Variants in GPC6 observed in about 807,000 individuals in gnomAD.
GPC6 encodes the protein glypican 6, also known as glypican-6.
Under a neutral mutation model 55.2 loss-of-function variants are expected in GPC6, and 14 were observed. The observed-to-expected ratio is 0.25, with a 90% CI of 0.17 to 0.40. The LOEUF (loss-of-function observed/expected upper bound fraction) is 0.40. Ranked by LOEUF, GPC6 falls within the 10% of genes least tolerant of loss-of-function variation. The pLI, the probability that GPC6 is intolerant of heterozygous loss-of-function variation, is 1.00. For missense variants in GPC6, 641 were observed against 708.5 expected (o/e 0.90, Z 1.08); for synonymous variants, 278 against 259.6 (o/e 1.07, Z -0.68).
intron 6 of GPC6, among the ~76,000 whole-genome samples, chr13:94,335,850 C>T (rs1877665182): frequency 1.3e-5 from 2 of 151,814 alleles, no homozygotes; most frequent in Non-Finnish European, 1.5e-5. Context: ...ATTCCCTCAT[C>T]GTTCTCTTCC....
At chr13:93,439,587 G>A (rs529091835) in intron 1 of GPC6, among the ~76,000 whole-genome samples, 36 of 151,744 alleles carry the variant, frequency 2.4e-4, no homozygotes, top group East Asian at 5.8e-4. Context: ...ACTTGAACCC[G>A]GGAGGTGGAC....
chr13:94,322,671 T>C (rs1566673784), intron 6 of GPC6, among the ~76,000 whole-genome samples: 1 of 152,206 alleles, frequency 6.6e-6, no homozygotes, highest in East Asian at 1.9e-4. Context: ...AAAACAAAAA[T>C]AATATGTGCA....
intron 4 of GPC6, among the ~76,000 whole-genome samples, chr13:94,227,333 C>T (rs943525299): frequency 6.6e-6 from 1 of 151,990 alleles, no homozygotes; most frequent in Non-Finnish European, 1.5e-5. Flanking sequence ...CCTTACTTCA[C>T]GTGAAGGAAA....
chr13:93,771,429 G>A (rs977515367), intron 2 of GPC6, among the ~76,000 whole-genome samples: 8 of 152,020 alleles, frequency 5.3e-5, no homozygotes, highest in African/African-American at 1.9e-4. Flanking sequence ...ATCTCTCATC[G>A]CATCTCATTT....
intron 3 of GPC6, among the ~76,000 whole-genome samples, chr13:93,917,531 C>G (rs773458080): frequency 1.3e-5 from 2 of 152,154 alleles, no homozygotes; most frequent in African/African-American, 4.8e-5. Flanking sequence ...TTTGAAGAGA[C>G]AGTGCTGAGT....
At chr13:94,060,727 A>C (rs1254919442) in intron 4 of GPC6, among the ~76,000 whole-genome samples, 2 of 152,188 alleles carry the variant, frequency 1.3e-5, no homozygotes, top group African/African-American at 2.4e-5. Context: ...GTCATCACTC[A>C]ATCAAGTATA....
chr13:93,281,225 C>CT (rs985053546), intron 1 of GPC6, among the ~76,000 whole-genome samples: 2 of 152,202 alleles, frequency 1.3e-5, no homozygotes, highest in Middle Eastern at 3.4e-3. Context: ...ATTAAAGTTG[C>CT]TTTTTTGTTG....
intron 1 of GPC6, among the ~76,000 whole-genome samples, chr13:93,329,472 A>G (rs1260540279): frequency 1.3e-5 from 2 of 152,218 alleles, no homozygotes; most frequent in African/African-American, 4.8e-5. Flanking sequence ...GGCTCTGTTG[A>G]TCAGCTACAA....
At chr13:94,010,799 A>T (rs1413665808) in intron 3 of GPC6, among the ~76,000 whole-genome samples, 1 of 152,188 alleles carries the variant, frequency 6.6e-6, no homozygotes, top group Non-Finnish European at 1.5e-5. Context: ...GTGGCTTTAT[A>T]GAATTCTTTT....
chr13:93,861,545 C>A (rs957206992), intron 3 of GPC6, among the ~76,000 whole-genome samples: 12 of 151,606 alleles, frequency 7.9e-5, no homozygotes, highest in Non-Finnish European at 1.8e-4. Flanking sequence ...GAACCTAATT[C>A]TCTCCCAACA....
chr13:94,281,077 C>G (rs893075262), intron 4 of GPC6, among the ~76,000 whole-genome samples: 1 of 152,062 alleles, frequency 6.6e-6, no homozygotes, highest in Admixed American at 6.6e-5. Context: ...TATAGTGACC[C>G]TCTTTGGCAC....
intron 1 of GPC6, among the ~76,000 whole-genome samples, chr13:93,438,694 T>G (rs1877664818): frequency 6.6e-6 from 1 of 152,194 alleles, no homozygotes; most frequent in Non-Finnish European, 1.5e-5. Flanking sequence ...TTGAGGATGC[T>G]ATGAATATTG....
chr13:93,289,650 T>C (rs1342713035), intron 1 of GPC6, among the ~76,000 whole-genome samples: 1 of 152,208 alleles, frequency 6.6e-6, no homozygotes, highest in Non-Finnish European at 1.5e-5. Context: ...AAAACTTGTA[T>C]GCACAGTTCA....
chr13:94,216,116 T>C (rs536892719), intron 4 of GPC6, among the ~76,000 whole-genome samples: 1 of 152,332 alleles, frequency 6.6e-6, no homozygotes, highest in East Asian at 1.9e-4. Flanking sequence ...GTTTTATCTT[T>C]GTAAGTTCCT....
chr13:94,069,473 A>T (rs1439572806), intron 4 of GPC6, among the ~76,000 whole-genome samples: 2 of 152,180 alleles, frequency 1.3e-5, no homozygotes, highest in Admixed American at 6.5e-5. Context: ...CTCATTACTT[A>T]TGCAAATTTC....
intron 4 of GPC6, among the ~76,000 whole-genome samples, chr13:94,216,157 T>C (rs1890221281): frequency 6.6e-6 from 1 of 152,236 alleles, no homozygotes; most frequent in African/African-American, 2.4e-5. Flanking sequence ...TTCATTTCTC[T>C]CTAAGCAAGC....
chr13:93,653,418 G>T (rs1007012924), intron 2 of GPC6, among the ~76,000 whole-genome samples: 2 of 152,046 alleles, frequency 1.3e-5, no homozygotes, highest in African/African-American at 4.8e-5. Context: ...TCTAAAAAAC[G>T]TTAAGTATGT....
chr13:94,153,476 T>G (rs2138899709), intron 4 of GPC6, among the ~76,000 whole-genome samples: 1 of 152,266 alleles, frequency 6.6e-6, no homozygotes, highest in Admixed American at 6.5e-5. Context: ...ATAAAATGAC[T>G]TATTTGATCC....
At position 93,895,275 on chromosome 13, in the gene GPC6, T is replaced by C. The variant is rs866592082; in HGVS notation, c.711+64730T>C. ...ATATATATATATATATATATATATA[T>C]ATGTAACTGTTCACACAAGAATTTA... On this transcript the variant is annotated intron_variant, in intron 3 of 8. Transcript: ENST00000377047. Among the ~76,000 whole-genome samples the C allele has an allele frequency of 3.1e-3, 406 of 132,254 alleles. 2 individuals are homozygous for C. The highest frequency in any genetic ancestry group is 0.012 in the Admixed American group (150 of 12,686). 86.8% of individuals were successfully genotyped at this position (132,254 alleles called of 152,430 possible). A position where few individuals can be genotyped will look rare whatever the true frequency, so the allele number is the denominator to read the frequency against.
Sources: allele counts gnomAD v4.1 joint callset (sites outside exome capture counted in the v4.1 genomes callset), GRCh38; gene constraint gnomAD v4.1.1; transcripts MANE v1.5; gene names NCBI Gene and HGNC (gene_info 2026-07-23, HGNC 2026-07-21).